The following STXBP6 variants were observed in gnomAD, a reference collection of about 807,000 sequenced individuals.
STXBP6 encodes the protein syntaxin binding protein 6.
In STXBP6, 21 loss-of-function variants were observed where a neutral mutation model predicts 26.9. That is an observed-to-expected ratio of 0.78 (90% CI 0.55 to 1.12). The LOEUF is 1.12. STXBP6 is among the 50% of genes most tolerant of loss of function. The probability of loss-of-function intolerance (pLI) is 0.00; values close to 1 mark genes in which losing one functional copy is unlikely to be tolerated. For synonymous variants in STXBP6, 97 were observed against 92.6 expected (o/e 1.05, Z -0.27); for missense variants, 232 against 257.9 (o/e 0.90, Z 0.69).
chr14:24,966,283 C>T (rs1488132427), intron 2 of STXBP6, among the ~76,000 whole-genome samples: 1 of 151,998 alleles, frequency 6.6e-6, no homozygotes, highest in Non-Finnish European at 1.5e-5. Flanking sequence ...TCACTGACAG[C>T]ACATCCTCTA....
chr14:24,951,414 T>C (rs1184864338), intron 2 of STXBP6, among the ~76,000 whole-genome samples: 2 of 152,232 alleles, frequency 1.3e-5, no homozygotes, highest in Non-Finnish European at 2.9e-5. Flanking sequence ...ATGAGCGTCA[T>C]TCTAACTGGC....
chr14:24,939,859 G>A (rs1395393205), intron 2 of STXBP6, among the ~76,000 whole-genome samples: 1 of 152,140 alleles, frequency 6.6e-6, no homozygotes, highest in Non-Finnish European at 1.5e-5. Flanking sequence ...ATTTAATGGG[G>A]ATTGGTTTTA....
intron 2 of STXBP6, among the ~76,000 whole-genome samples, chr14:24,967,851 C>T (rs189412068): frequency 1.3e-5 from 2 of 152,256 alleles, no homozygotes; most frequent in East Asian, 1.9e-4. Context: ...ATTTAAAACA[C>T]GGTCCTCTCC....
intron 2 of STXBP6, among the ~76,000 whole-genome samples, chr14:24,932,308 G>C (rs1481601766): frequency 6.6e-6 from 1 of 152,206 alleles, no homozygotes; most frequent in Non-Finnish European, 1.5e-5. Flanking sequence ...TTAGGAGGCT[G>C]AGGCAGGAGA....
At chr14:24,971,917 G>C (rs2073918112) in intron 2 of STXBP6, among the ~76,000 whole-genome samples, 1 of 152,124 alleles carries the variant, frequency 6.6e-6, no homozygotes, top group African/African-American at 2.4e-5. Context: ...AGAATGCTTG[G>C]CACAGAAAAA....
intron 5 of STXBP6, 37 bp downstream of exon 5, chr14:24,819,000 C>T (rs1449294761): frequency 6.5e-7 from 1 of 1,535,858 alleles, no homozygotes; most frequent in East Asian, 2.3e-5. Flanking sequence ...CTCCCCAACA[C>T]CCCAGAGCTG....
chr14:25,012,074 A>C (rs1300149764), intron 1 of STXBP6, among the ~76,000 whole-genome samples: 3 of 152,186 alleles, frequency 2.0e-5, no homozygotes, highest in Non-Finnish European at 2.9e-5. Context: ...CTCAGATTTG[A>C]CTAGAGTCAA....
chr14:24,976,037 T>C (rs891408383), intron 1 of STXBP6, among the ~76,000 whole-genome samples: 2 of 151,974 alleles, frequency 1.3e-5, no homozygotes, highest in African/African-American at 4.8e-5. Context: ...GCTCAAAGAG[T>C]TGATCAGACT....
chr14:24,913,104 G>T (rs2139740987), intron 2 of STXBP6, among the ~76,000 whole-genome samples: 1 of 152,274 alleles, frequency 6.6e-6, no homozygotes, highest in African/African-American at 2.4e-5. Context: ...CAAATGGTAT[G>T]AAACTCAAAT....
chr14:24,912,299 C>G (rs1266173151), intron 2 of STXBP6, among the ~76,000 whole-genome samples: 2 of 152,024 alleles, frequency 1.3e-5, no homozygotes, highest in African/African-American at 4.8e-5. Flanking sequence ...ACTAGCTTTT[C>G]AATCAAATAA....
chr14:24,958,411 G>A (rs1477378887), intron 2 of STXBP6, among the ~76,000 whole-genome samples: 1 of 152,064 alleles, frequency 6.6e-6, no homozygotes, highest in African/African-American at 2.4e-5. Flanking sequence ...GACTCAAAGA[G>A]CTCATTTTAT....
chr14:24,960,679 T>C (rs558456886), intron 2 of STXBP6, among the ~76,000 whole-genome samples: 64 of 152,328 alleles, frequency 4.2e-4, no homozygotes, highest in African/African-American at 1.5e-3. Flanking sequence ...GGAATAGGTC[T>C]GCACATTTGG....
intron 2 of STXBP6, among the ~76,000 whole-genome samples, chr14:24,867,271 G>A (rs1011111935): frequency 3.9e-5 from 6 of 152,122 alleles, no homozygotes; most frequent in Admixed American, 1.3e-4. Context: ...AGCACAGACT[G>A]GGCTCTGAGC....
intron 4 of STXBP6, among the ~76,000 whole-genome samples, chr14:24,844,176 G>C (rs938997218): frequency 1.3e-5 from 2 of 152,226 alleles, no homozygotes; most frequent in African/African-American, 4.8e-5. Context: ...TGGGCAGGGA[G>C]GGTAGCGCAC....
At chr14:25,010,647 C>A (rs1251641701) in intron 1 of STXBP6, 1 of 152,218 alleles carries the variant, frequency 6.6e-6, no homozygotes, top group Non-Finnish European at 1.5e-5. Context: ...GAAACTAAAG[C>A]ACAGAAAGGC....
intron 1 of STXBP6, among the ~76,000 whole-genome samples, chr14:25,035,152 C>CAAAAA (rs1168180231): frequency 1.3e-5 from 1 of 77,966 alleles, no homozygotes. Flanking sequence ...ACTCTGTCTC[C>CAAAAA]AAAAAAAAAA....
At chr14:24,970,171 G>A (rs986650798) in intron 2 of STXBP6, among the ~76,000 whole-genome samples, 1 of 151,940 alleles carries the variant, frequency 6.6e-6, no homozygotes, top group African/African-American at 2.4e-5. Flanking sequence ...AACCCGGGAG[G>A]TGGAGGTTGC....
intron 1 of STXBP6, among the ~76,000 whole-genome samples, chr14:24,985,923 G>A (rs1179770110): frequency 6.6e-6 from 1 of 152,170 alleles, no homozygotes; most frequent in Admixed American, 6.5e-5. Context: ...TGATTCCAAA[G>A]TCACACAACA....
chr14:25,013,945 G>A (rs2075091810), intron 1 of STXBP6, among the ~76,000 whole-genome samples: 1 of 152,134 alleles, frequency 6.6e-6, no homozygotes, highest in South Asian at 2.1e-4. Context: ...AATTTTTTTA[G>A]TGTAATAATG....
Sources: allele counts gnomAD v4.1 joint callset (sites outside exome capture counted in the v4.1 genomes callset), GRCh38; gene constraint gnomAD v4.1.1; transcripts MANE v1.5; gene names NCBI Gene and HGNC (gene_info 2026-07-23, HGNC 2026-07-21).